The following PIK3R1 variants were observed in gnomAD, a reference collection of about 807,000 sequenced individuals.
The protein encoded by PIK3R1 is phosphatidylinositol 3-kinase regulatory subunit alpha.
A neutral mutation model predicts 98.0 loss-of-function variants in PIK3R1; 29 were observed. That is an observed-to-expected ratio of 0.30 (90% CI 0.22 to 0.40). The LOEUF is 0.40. PIK3R1 is among the 10% of genes least tolerant of loss of function. PIK3R1 has a pLI of 1.00. For missense variants in PIK3R1, 596 were observed against 872.7 expected (o/e 0.68, Z 3.99); for synonymous variants, 282 against 311.8 (o/e 0.90, Z 1.01).
intron 7 of PIK3R1, among the ~76,000 whole-genome samples, chr5:68,283,710 A>G (rs2112206962): frequency 6.6e-6 from 1 of 152,336 alleles, no homozygotes; most frequent in Non-Finnish European, 1.5e-5. Flanking sequence ...GACATGAGGA[A>G]ACCGAGGCCC....
In PIK3R1 at chr5:68,293,210, G is replaced by T. The variant is rs140892282; in HGVS notation, c.1118+11G>T. 8.1e-6 allele frequency: 13 copies of T among 1,607,142 alleles called. No individual in the cohort carries two copies. Among genetic ancestry groups the T allele is most frequent in the Non-Finnish European group, 1.1e-5 (13 of 1,174,318 alleles). On this transcript the variant is annotated intron_variant, in intron 9 of 15. Transcript: ENST00000521381. ...TACTCTTACACTAAGGTAAGCCAGG[G>T]AATATAGCTGAAATTAGGGTTTTGG...
At position 68,296,276 on chromosome 5, in the gene PIK3R1, G is replaced by A. The variant is rs61749602; in HGVS notation, c.1920G>A (p.Gly640=). The A allele has an allele frequency of 1.8e-4, 290 of 1,614,226 alleles. No individual in the cohort carries two copies. Among genetic ancestry groups the A allele is most frequent in the Non-Finnish European group, 2.3e-4 (274 of 1,180,028 alleles). The change falls in exon 15 of 16, where the codon GGG becomes GGA. Residue 640 remains glycine (G), a synonymous_variant. Transcript: ENST00000521381. ...ACAAAGCTGAAAACCTGTTGCGAGG[G>A]AAGCGAGATGGCACTTTTCTTGTCC... is the stretch of plus-strand genomic sequence containing the variant. ...NRNKAENLLR[G]KRDGTFLVRE... is the part of the protein sequence containing the mutation.
chr5:68,260,623 CTT>C (rs1745701919), intron 2 of PIK3R1, among the ~76,000 whole-genome samples: 1 of 152,150 alleles, frequency 6.6e-6, no homozygotes, highest in South Asian at 2.1e-4. Context: ...CACCAAACCT[CTT>C]GAGTCTCTTT....
chr5:68,227,206 T>C (rs1044429273), intron 2 of PIK3R1, among the ~76,000 whole-genome samples, 197 bp downstream of exon 2: 4 of 152,226 alleles, frequency 2.6e-5, no homozygotes, highest in South Asian at 2.1e-4. Context: ...GAAGTTGTTA[T>C]AAAAATAGGG....
intron 2 of PIK3R1, among the ~76,000 whole-genome samples, chr5:68,252,693 A>T (rs1381305223): frequency 6.6e-6 from 1 of 152,218 alleles, no homozygotes; most frequent in Non-Finnish European, 1.5e-5. Context: ...CAGAACAAAG[A>T]TTTGCAATTT....
intron 7 of PIK3R1, chr5:68,288,609 G>T: frequency 6.4e-7 from 1 of 1,563,074 alleles, no homozygotes; most frequent in Non-Finnish European, 8.6e-7. Context: ...CGCCGGACAC[G>T]AGCACTGCCT....
intron 2 of PIK3R1, among the ~76,000 whole-genome samples, chr5:68,270,483 C>G (rs1361833439): frequency 6.6e-6 from 1 of 151,900 alleles, no homozygotes; most frequent in Non-Finnish European, 1.5e-5. Context: ...TGGAATGAGA[C>G]AAACCTTTAT....
chr5:68,238,193 T>TG (rs1744736353), intron 2 of PIK3R1, among the ~76,000 whole-genome samples: 1 of 152,184 alleles, frequency 6.6e-6, no homozygotes, highest in South Asian at 2.1e-4. Flanking sequence ...ACCAAAACCA[T>TG]GTTGAAATGA....
intron 1 of PIK3R1, among the ~76,000 whole-genome samples, chr5:68,220,985 C>A (rs1016951099): frequency 6.6e-6 from 1 of 152,166 alleles, no homozygotes; most frequent in African/African-American, 2.4e-5. Flanking sequence ...GGAGGTAGGG[C>A]CTAATAGGAG....
intron 1 of PIK3R1, among the ~76,000 whole-genome samples, chr5:68,224,398 G>A (rs706711): frequency 0.54 from 81,867 of 152,006 alleles, 24,029 homozygotes; most frequent in African/African-American, 0.78. Flanking sequence ...ACTGAAATGC[G>A]AAGTAGAGTA....
chr5:68,256,509 T>C (rs536126377), intron 2 of PIK3R1, among the ~76,000 whole-genome samples: 74 of 152,294 alleles, frequency 4.9e-4, no homozygotes, highest in African/African-American at 1.6e-3. Context: ...GGATTACAGG[T>C]GTGAGCCACC....
Position 68,280,913 on chromosome 5 carries a change from T to C in PIK3R1, c.837-14T>C. ...TTTAGGGAAAAGGTTTCTAATAAAC[T>C]CTCTTTCTTACAGCTCTGATAATAC... is the stretch of plus-strand genomic sequence containing the variant. On this transcript the variant is annotated splice_polypyrimidine_tract_variant and intron_variant, in intron 6 of 15. Transcript: ENST00000521381. The C allele has an allele frequency of 6.5e-7, 1 of 1,532,960 alleles. No individual in the cohort carries two copies. Among genetic ancestry groups the C allele is most frequent in the Non-Finnish European group, 8.9e-7 (1 of 1,122,912 alleles). The allele number at this position is 1,532,960 out of a possible 1,614,324, so 95.0% of individuals were successfully genotyped here. A position where few individuals can be genotyped will look rare whatever the true frequency, so the allele number is the denominator to read the frequency against.
intron 2 of PIK3R1, among the ~76,000 whole-genome samples, chr5:68,241,928 T>G (rs531599320): frequency 6.6e-6 from 1 of 152,384 alleles, no homozygotes; most frequent in South Asian, 2.1e-4. Flanking sequence ...TAAAAATGCT[T>G]GATTGGCCAA....
chr5:68,237,426 A>G (rs1055200808), intron 2 of PIK3R1, among the ~76,000 whole-genome samples: 6 of 152,170 alleles, frequency 3.9e-5, no homozygotes, highest in Non-Finnish European at 8.8e-5. Flanking sequence ...TTCCAAGGGC[A>G]GAGGGGTGAT....
intron 2 of PIK3R1, among the ~76,000 whole-genome samples, chr5:68,254,151 G>A (rs1745426247): frequency 6.6e-6 from 1 of 152,198 alleles, no homozygotes; most frequent in African/African-American, 2.4e-5. Context: ...GGATTGCTCT[G>A]TGAACTCCCT....
intron 5 of PIK3R1, among the ~76,000 whole-genome samples, chr5:68,279,939 A>G (rs1439536760): frequency 6.6e-6 from 1 of 152,252 alleles, no homozygotes; most frequent in Non-Finnish European, 1.5e-5. Flanking sequence ...GCCCGTCTGC[A>G]TGTCAGAATC....
At chr5:68,242,074 C>T (rs965852955) in intron 2 of PIK3R1, among the ~76,000 whole-genome samples, 49 of 152,308 alleles carry the variant, frequency 3.2e-4, no homozygotes, top group African/African-American at 1.1e-3. Flanking sequence ...GGGAAGAATA[C>T]GAAGTATCAC....
At chr5:68,255,738 C>G (rs1745489712) in intron 2 of PIK3R1, among the ~76,000 whole-genome samples, 1 of 152,198 alleles carries the variant, frequency 6.6e-6, no homozygotes, top group Non-Finnish European at 1.5e-5. Flanking sequence ...CACTGGAATT[C>G]TCTTGTCATT....
At position 68,298,675 on chromosome 5, in the gene PIK3R1, T is replaced by C. The variant is rs1374918213; in HGVS notation, c.*1074T>C. On this transcript the variant is annotated 3_prime_UTR_variant, in exon 16 of 16. Coordinates refer to ENST00000521381, the MANE Select transcript of PIK3R1 (RefSeq NM_181523.3). ...CCAAGGTTAAAAAGTTCATAACAGA[T>C]TTTTTTTGGACTGTTTTGTTGGGCA... 1 of 231,498 alleles carries C rather than the reference T, an allele frequency of 4.3e-6. No homozygotes were observed. Among genetic ancestry groups the C allele is most frequent in the East Asian group, 6.1e-5 (1 of 16,386 alleles). The allele number at this position is 231,498 out of a possible 1,614,324, so 14.3% of individuals were successfully genotyped here.
Sources: allele counts gnomAD v4.1 joint callset (sites outside exome capture counted in the v4.1 genomes callset), GRCh38; gene constraint gnomAD v4.1.1; transcripts MANE v1.5; gene names NCBI Gene and HGNC (gene_info 2026-07-23, HGNC 2026-07-21).